Variants in DLGAP1 observed in about 807,000 individuals in gnomAD.
The protein encoded by DLGAP1 is DLG associated protein 1, also known as disks large-associated protein 1.
In DLGAP1, 11 loss-of-function variants were observed where a neutral mutation model predicts 90.8. The observed-to-expected ratio is 0.12, with a 90% CI of 0.08 to 0.20. The LOEUF (loss-of-function observed/expected upper bound fraction) is 0.20. Ranked by LOEUF, DLGAP1 falls within the 10% of genes least tolerant of loss-of-function variation. The pLI is 1.00. For synonymous variants in DLGAP1, 558 were observed against 540.7 expected (o/e 1.03, Z -0.44); for missense variants, 1,050 against 1,333.8 (o/e 0.79, Z 3.31).
Position 3,635,338 on chromosome 18 carries a change from T to G in DLGAP1, c.1592-53090A>C, listed in dbSNP as rs55896075. On this transcript the variant is annotated intron_variant, in intron 7 of 12. Coordinates refer to ENST00000315677, the MANE Select transcript of DLGAP1 (RefSeq NM_004746.4). ...TTTTTAGTAGAGACGGGGTTTCACC[T>G]TGTTAGCCAGGATGGTCTCGATCTC... 6.7e-4 allele frequency among the ~76,000 whole-genome samples: 100 copies of G among 148,344 alleles called. 1 individual carries two copies. Among genetic ancestry groups the G allele is most frequent in the Admixed American group, 1.1e-3 (16 of 14,980 alleles).
chr18:4,119,597 C>G (rs974418393), intron 2 of DLGAP1, among the ~76,000 whole-genome samples: 3 of 152,166 alleles, frequency 2.0e-5, no homozygotes, highest in Non-Finnish European at 2.9e-5. Context: ...GGATGACAGC[C>G]GAAGGCACAC....
At chr18:4,021,847 T>A (rs1277901656) in intron 2 of DLGAP1, among the ~76,000 whole-genome samples, 1 of 152,094 alleles carries the variant, frequency 6.6e-6, no homozygotes, top group East Asian at 1.9e-4. Context: ...GATCTGCCTG[T>A]CTCAGCCTCC....
chr18:4,353,411 C>T (rs1465724291), intron 1 of DLGAP1, among the ~76,000 whole-genome samples: 1 of 152,102 alleles, frequency 6.6e-6, no homozygotes, highest in Non-Finnish European at 1.5e-5. Context: ...GAAAGTGAGC[C>T]GCATTCTGAG....
Position 3,880,026 on chromosome 18 carries a change from T to C in DLGAP1, c.43A>G (p.Thr15Ala), listed in dbSNP as rs2071111368. Residue 15 changes from threonine (T) to alanine (A), a missense_variant, in exon 4 of 13, where the codon ACC (threonine) becomes GCC (alanine). By Grantham distance (58) the Thr-to-Ala change is moderately conservative (BLOSUM62 0). Transcript: ENST00000315677. Reference protein sequence around the residue: ...SGSRSHHHGVTCDSACDSLSH... With the variant: ...SGSRSHHHGVACDSACDSLSH... Reference sequence around the variant, plus strand: ...AGCGAGTCACAGGCCGAGTCGCAGGTGACCCCGTGGTGATGGCTGCGGCTG... The same window carrying C: ...AGCGAGTCACAGGCCGAGTCGCAGGCGACCCCGTGGTGATGGCTGCGGCTG... 1 of 1,607,358 alleles carries C rather than the reference T, an allele frequency of 6.2e-7. No individual in the cohort carries two copies. Among genetic ancestry groups the C allele is most frequent in the Non-Finnish European group, 8.5e-7 (1 of 1,179,846 alleles).
intron 1 of DLGAP1, among the ~76,000 whole-genome samples, chr18:4,382,247 A>C (rs2082140285): frequency 6.6e-6 from 1 of 152,190 alleles, no homozygotes; most frequent in Admixed American, 6.6e-5. Context: ...TCCCATTCCC[A>C]GCACACCTCA....
intron 5 of DLGAP1, among the ~76,000 whole-genome samples, chr18:3,811,041 A>G (rs2066808205): frequency 6.6e-6 from 1 of 152,148 alleles, no homozygotes; most frequent in South Asian, 2.1e-4. Context: ...CCTGGGCCCA[A>G]GCAATCTGCC....
intron 1 of DLGAP1, among the ~76,000 whole-genome samples, chr18:4,438,231 T>C (rs1454136227): frequency 6.6e-6 from 1 of 152,070 alleles, no homozygotes; most frequent in Non-Finnish European, 1.5e-5. Context: ...ACATGGTGCA[T>C]GGCGAATAAG....
chr18:3,654,156 C>A (rs1181559641), intron 7 of DLGAP1, among the ~76,000 whole-genome samples: 1 of 152,182 alleles, frequency 6.6e-6, no homozygotes, highest in Non-Finnish European at 1.5e-5. Context: ...AAGCAACAGT[C>A]GCAGTGGGCC....
chr18:4,352,601 GCAGT>G (rs1230847555), intron 1 of DLGAP1, among the ~76,000 whole-genome samples: 1 of 151,932 alleles, frequency 6.6e-6, no homozygotes, highest in African/African-American at 2.4e-5. Flanking sequence ...TCATCTTCTA[GCAGT>G]CAAACAATCT....
intron 1 of DLGAP1, among the ~76,000 whole-genome samples, chr18:4,259,356 A>C (rs969976357): frequency 6.6e-6 from 1 of 152,360 alleles, no homozygotes; most frequent in African/African-American, 2.4e-5. Flanking sequence ...ATAACTCCTC[A>C]AAAAGTCATT....
At chr18:3,991,175 A>G (rs938212280) in intron 3 of DLGAP1, among the ~76,000 whole-genome samples, 1 of 151,992 alleles carries the variant, frequency 6.6e-6, no homozygotes, top group Non-Finnish European at 1.5e-5. Flanking sequence ...ATATTAATAT[A>G]AAAAAACAAA....
chr18:3,690,885 G>A (rs530003733), intron 7 of DLGAP1, among the ~76,000 whole-genome samples: 2 of 152,156 alleles, frequency 1.3e-5, no homozygotes, highest in Non-Finnish European at 2.9e-5. Flanking sequence ...GCGGTAGCAG[G>A]CTTCTAATCA....
At chr18:4,026,209 A>G (rs2074696279) in intron 2 of DLGAP1, among the ~76,000 whole-genome samples, 1 of 152,352 alleles carries the variant, frequency 6.6e-6, no homozygotes, top group African/African-American at 2.4e-5. Context: ...TTAGTTTAAG[A>G]AGTGCTAGAA....
chr18:4,249,494 T>C (rs2078733043), intron 1 of DLGAP1, among the ~76,000 whole-genome samples: 1 of 149,866 alleles, frequency 6.7e-6, no homozygotes, highest in African/African-American at 2.5e-5. Context: ...GCATATTAGA[T>C]ATGCTTACCC....
intron 2 of DLGAP1, among the ~76,000 whole-genome samples, chr18:4,030,867 G>A (rs1348214205): frequency 6.6e-6 from 1 of 152,214 alleles, no homozygotes; most frequent in African/African-American, 2.4e-5. Flanking sequence ...AGGTTGCAAT[G>A]AGCTGTGATT....
chr18:3,643,519 C>T (rs951406065), intron 7 of DLGAP1, among the ~76,000 whole-genome samples: 9 of 151,688 alleles, frequency 5.9e-5, no homozygotes, highest in East Asian at 3.9e-4. Context: ...AAAAATTAGC[C>T]GGGCGTGGTG....
chr18:3,506,589 C>T (rs1598972175), intron 11 of DLGAP1, among the ~76,000 whole-genome samples: 1 of 134,396 alleles, frequency 7.4e-6, no homozygotes, highest in African/African-American at 2.7e-5. Context: ...TTTTTCAAAA[C>T]TTTTGTTTGC....
chr18:3,519,329 A>T (rs1042971658), intron 10 of DLGAP1, among the ~76,000 whole-genome samples: 1 of 152,182 alleles, frequency 6.6e-6, no homozygotes, highest in Admixed American at 6.5e-5. Flanking sequence ...GTGCTTAGCC[A>T]TGTGACTTGA....
rs1599771933 is a variant in DLGAP1 at position 3,660,989 on chromosome 18, C to T, written c.1591+68146G>A. Among the ~76,000 whole-genome samples the T allele has an allele frequency of 6.6e-6, 1 of 152,172 alleles. No homozygotes were observed. Among genetic ancestry groups the T allele is most frequent in the East Asian group, 1.9e-4 (1 of 5,204 alleles). On this transcript the variant is annotated intron_variant, in intron 7 of 12. Transcript: ENST00000315677. The surrounding 1 kb of genome is among the most constrained non-coding windows in gnomAD (Gnocchi z 4.2). Reference sequence around the variant, plus strand: ...AAAAAGAACTTCAGCCTTTAATATCCTTTTTCTAAGTTATTCCCATGCTGC... The same window carrying T: ...AAAAAGAACTTCAGCCTTTAATATCTTTTTTCTAAGTTATTCCCATGCTGC...
Sources: gnomAD v4.1 joint callset for allele counts (sites outside exome capture counted in the v4.1 genomes callset) on GRCh38, gnomAD v4.1.1 for gene constraint, Gnocchi (gnomAD v3.1) non-coding constraint, MANE v1.5 for transcripts, NCBI Gene and HGNC (gene_info 2026-07-23, HGNC 2026-07-21) for gene names.